DLGAP1: variants seen among roughly 807,000 people sequenced by gnomAD.
DLGAP1 encodes DLG associated protein 1, also known as disks large-associated protein 1.
DLGAP1 carries 11 observed loss-of-function variants against 90.8 expected under a neutral mutation model. The observed-to-expected ratio is 0.12, with a 90% CI of 0.08 to 0.20. The LOEUF is 0.20. Ranked by LOEUF, DLGAP1 falls within the 10% of genes least tolerant of loss-of-function variation. The pLI is 1.00. For missense variants in DLGAP1, 1,050 were observed against 1,333.8 expected (o/e 0.79, Z 3.31); for synonymous variants, 558 against 540.7 (o/e 1.03, Z -0.44).
At chr18:4,192,619 A>G (rs980538909) in intron 1 of DLGAP1, among the ~76,000 whole-genome samples, 2 of 152,190 alleles carry the variant, frequency 1.3e-5, no homozygotes, top group Non-Finnish European at 2.9e-5. Context: ...CAGTATAACA[A>G]TATTATGTGC....
At chr18:3,951,750 G>C (rs569184944) in intron 3 of DLGAP1, among the ~76,000 whole-genome samples, 1 of 152,286 alleles carries the variant, frequency 6.6e-6, no homozygotes, top group South Asian at 2.1e-4. Flanking sequence ...GTTCTTAAGA[G>C]ATCTGATGGT....
At chr18:3,628,169 C>T (rs1805991156) in intron 7 of DLGAP1, among the ~76,000 whole-genome samples, 1 of 150,952 alleles carries the variant, frequency 6.6e-6, no homozygotes, top group African/African-American at 2.4e-5. Flanking sequence ...AGCCACTGCG[C>T]CTGGCCTTGT....
At chr18:3,848,793 T>C (rs1177007356) in intron 4 of DLGAP1, among the ~76,000 whole-genome samples, 2 of 152,226 alleles carry the variant, frequency 1.3e-5, no homozygotes, top group East Asian at 1.9e-4. Context: ...ACCATTTTCT[T>C]GCACCTGGAT....
intron 5 of DLGAP1, among the ~76,000 whole-genome samples, chr18:3,770,243 CT>C (rs2064462074): frequency 6.6e-6 from 1 of 152,132 alleles, no homozygotes; most frequent in Non-Finnish European, 1.5e-5. Flanking sequence ...TCCATTTTCC[CT>C]GTCTGATAGG....
intron 4 of DLGAP1, among the ~76,000 whole-genome samples, chr18:3,851,120 T>C (rs2148684621): frequency 6.6e-6 from 1 of 152,102 alleles, no homozygotes; most frequent in South Asian, 2.1e-4. Flanking sequence ...CTGTGGTAGG[T>C]AAGTGGGAGG....
At chr18:3,740,449 C>T (rs67198900) in intron 6 of DLGAP1, among the ~76,000 whole-genome samples, 34,312 of 151,972 alleles carry the variant, frequency 0.23, 4,846 homozygotes, top group East Asian at 0.51. Flanking sequence ...TGGGTCAGCA[C>T]TGAAATCCCA....
chr18:3,636,811 G>A (rs933086694), intron 7 of DLGAP1, among the ~76,000 whole-genome samples: 1 of 141,840 alleles, frequency 7.1e-6, no homozygotes, highest in African/African-American at 2.7e-5. Flanking sequence ...TGCAACATCC[G>A]CCTCCCAGGT....
chr18:4,205,688 T>C (rs1249838932), intron 1 of DLGAP1, among the ~76,000 whole-genome samples: 2 of 152,124 alleles, frequency 1.3e-5, no homozygotes, highest in East Asian at 3.9e-4. Context: ...AATACACCAA[T>C]TCAGTTCCTC....
At chr18:3,829,949 C>A (rs773599211) in intron 4 of DLGAP1, among the ~76,000 whole-genome samples, 2 of 152,036 alleles carry the variant, frequency 1.3e-5, no homozygotes, top group Non-Finnish European at 2.9e-5. Flanking sequence ...CAGACAGGGC[C>A]GCTGCAGTGC....
chr18:3,989,071 G>C (rs554560645), intron 3 of DLGAP1, among the ~76,000 whole-genome samples: 1 of 152,272 alleles, frequency 6.6e-6, no homozygotes, highest in East Asian at 1.9e-4. Flanking sequence ...TGGGTTGCTC[G>C]GGACTTTTGC....
chr18:3,972,155 G>A (rs1274741849), intron 3 of DLGAP1, among the ~76,000 whole-genome samples: 2 of 151,918 alleles, frequency 1.3e-5, no homozygotes, highest in African/African-American at 2.4e-5. Context: ...TTTTTTATGA[G>A]TTTATAAACT....
intron 4 of DLGAP1, among the ~76,000 whole-genome samples, chr18:3,815,519 T>C (rs912074657): frequency 7.9e-5 from 12 of 152,214 alleles, no homozygotes; most frequent in African/African-American, 2.9e-4. Flanking sequence ...GAATTGTTCC[T>C]TTCCTTTTGC....
At chr18:4,101,327 G>C (rs1248124813) in intron 2 of DLGAP1, among the ~76,000 whole-genome samples, 1 of 152,124 alleles carries the variant, frequency 6.6e-6, no homozygotes, top group Non-Finnish European at 1.5e-5. Context: ...GGTGAATGGA[G>C]GAGTCCGAAC....
rs142250538 is a variant in DLGAP1, at chr18:3,759,159, C to A, written c.1173-16647G>T. On this transcript the variant is annotated intron_variant, in intron 5 of 12. Transcript: ENST00000315677. ...TGTAGACTTTGGTATCTCCTAGAAG[C>A]TCAGGGTTCAGGGTAGGGTGAAAGG... 5.7e-3 allele frequency among the ~76,000 whole-genome samples: 871 copies of A among 151,918 alleles called. 8 individuals carry two copies. Among genetic ancestry groups the A allele is most frequent in the African/African-American group, 0.02 (844 of 41,392 alleles).
chr18:3,551,438 A>G (rs1428588849), intron 9 of DLGAP1, among the ~76,000 whole-genome samples: 2 of 151,392 alleles, frequency 1.3e-5, no homozygotes, highest in Admixed American at 6.6e-5. Context: ...TAGTAGAGAC[A>G]AGGTTTCACC....
At position 3,560,544 on chromosome 18, in the gene DLGAP1, T is replaced by G. The variant is rs573253696; in HGVS notation, c.2057+6946A>C. Among the ~76,000 whole-genome samples the G allele has an allele frequency of 5.3e-4, 77 of 144,034 alleles. 4 individuals are homozygous for G. The highest frequency in any genetic ancestry group is 1.9e-3 in the African/African-American group (71 of 36,562). 94.5% of individuals were successfully genotyped at this position (144,034 alleles called of 152,430 possible). ...GGCAGAGGTTGTGGTGAGCCAATAT[T>G]GTGCCACTGCACTCCAGCCTGGGTG... On this transcript the variant is annotated intron_variant, in intron 9 of 12. Transcript: ENST00000315677.
At chr18:3,946,123 A>ATT (rs113162706) in intron 3 of DLGAP1, among the ~76,000 whole-genome samples, 2 of 146,364 alleles carry the variant, frequency 1.4e-5, no homozygotes, top group African/African-American at 5.0e-5. Flanking sequence ...TTATTCCCTT[A>ATT]TTTTTTTTTT....
chr18:4,070,579 T>C (rs4508507), intron 2 of DLGAP1, among the ~76,000 whole-genome samples: 125,084 of 151,598 alleles, frequency 0.83, 51,826 homozygotes, highest in East Asian at 0.94. Context: ...TTCCAAGATC[T>C]ATGCTAAGAG....
intron 5 of DLGAP1, among the ~76,000 whole-genome samples, chr18:3,755,266 A>C (rs1449396572): frequency 6.6e-6 from 1 of 152,164 alleles, no homozygotes; most frequent in Non-Finnish European, 1.5e-5. Context: ...AAATAGCAAA[A>C]TGGCAAATCT....
Sources: gnomAD v4.1 joint callset for allele counts (sites outside exome capture counted in the v4.1 genomes callset) on GRCh38, gnomAD v4.1.1 for gene constraint, MANE v1.5 for transcripts, NCBI Gene and HGNC (gene_info 2026-07-23, HGNC 2026-07-21) for gene names.